Variants in PTPRD observed in about 807,000 individuals in gnomAD.
PTPRD encodes protein tyrosine phosphatase receptor type D, also known as receptor-type tyrosine-protein phosphatase delta.
Under a neutral mutation model 214.5 loss-of-function variants are expected in PTPRD, and 34 were observed. That is an observed-to-expected ratio of 0.16 (90% CI 0.12 to 0.21). PTPRD has a LOEUF of 0.21. Ranked by LOEUF, PTPRD falls within the 10% of genes least tolerant of loss-of-function variation. The probability of loss-of-function intolerance (pLI) is 1.00; values close to 1 mark genes in which losing one functional copy is unlikely to be tolerated. For synonymous variants in PTPRD, 1,128 were observed against 845.7 expected (o/e 1.33, Z -5.79); for missense variants, 2,545 against 2,398.7 (o/e 1.06, Z -1.27).
chr9:8,453,086 G>T (rs891695497), intron 33 of PTPRD, among the ~76,000 whole-genome samples: 6 of 152,176 alleles, frequency 3.9e-5, no homozygotes, highest in Non-Finnish European at 8.8e-5. Context: ...AATAGAGGGA[G>T]ATTAGAAGAG....
At chr9:10,246,115 A>C (rs2154365933) in intron 3 of PTPRD, among the ~76,000 whole-genome samples, 1 of 152,310 alleles carries the variant, frequency 6.6e-6, no homozygotes, top group East Asian at 1.9e-4. Context: ...GGTTAAAAGA[A>C]TAATCCAACT....
chr9:10,048,054 C>G (rs2097440325), intron 3 of PTPRD, among the ~76,000 whole-genome samples: 1 of 152,158 alleles, frequency 6.6e-6, no homozygotes, highest in African/African-American at 2.4e-5. Flanking sequence ...TAGCTCTGCT[C>G]TTGAATCCAG....
At chr9:9,890,824 C>CCT (rs1452829882) in intron 5 of PTPRD, among the ~76,000 whole-genome samples, 2 of 152,048 alleles carry the variant, frequency 1.3e-5, no homozygotes, top group African/African-American at 4.8e-5. Context: ...TCCAATGATG[C>CCT]CTCTTAAACA....
At chr9:10,083,084 C>G (rs1184741407) in intron 3 of PTPRD, among the ~76,000 whole-genome samples, 2 of 144,430 alleles carry the variant, frequency 1.4e-5, no homozygotes, top group Non-Finnish European at 3.0e-5. Context: ...ATTTTTCCTT[C>G]TTCTCTCTGC....
rs78080774 is a variant in PTPRD at position 8,567,330 on chromosome 9, G to C, written c.353-38551C>G. Among the ~76,000 whole-genome samples the C allele has an allele frequency of 8.8e-4, 134 of 152,270 alleles. No individual in the cohort carries two copies. The East Asian group carries it at 0.023, about 26-fold the overall frequency. ...CTCCTCTCAGACAAATGTTCTTTAA[G>C]GCATAGCTCAGGAGTCACTTTCTCC... On this transcript the variant is annotated intron_variant, in intron 14 of 45. Coordinates refer to ENST00000381196, the MANE Select transcript of PTPRD (RefSeq NM_002839.4).
intron 36 of PTPRD, among the ~76,000 whole-genome samples, chr9:8,399,996 G>C (rs2092098560): frequency 6.6e-6 from 1 of 152,036 alleles, no homozygotes; most frequent in Non-Finnish European, 1.5e-5. Flanking sequence ...GCATGTAATA[G>C]ATAACCAGAT....
At chr9:9,723,095 T>A (rs988161308) in intron 7 of PTPRD, among the ~76,000 whole-genome samples, 2 of 152,064 alleles carry the variant, frequency 1.3e-5, no homozygotes, top group African/African-American at 4.8e-5. Context: ...AACCACTGTG[T>A]AACACAAGGT....
chr9:9,787,185 T>C (rs1273046329), intron 5 of PTPRD, among the ~76,000 whole-genome samples: 1 of 151,828 alleles, frequency 6.6e-6, no homozygotes, highest in African/African-American at 2.4e-5. Flanking sequence ...TCAATTTTAT[T>C]TCTCATTTAA....
intron 4 of PTPRD, among the ~76,000 whole-genome samples, chr9:9,970,721 G>C (rs1334329247): frequency 6.6e-6 from 1 of 152,148 alleles, no homozygotes; most frequent in African/African-American, 2.4e-5. Context: ...TAGAGTCCTG[G>C]TCAGATTCAA....
At chr9:8,450,466 A>G (rs1038786153) in intron 33 of PTPRD, among the ~76,000 whole-genome samples, 26 of 152,346 alleles carry the variant, frequency 1.7e-4, no homozygotes, top group African/African-American at 6.3e-4. Context: ...AGCTCTTAAC[A>G]GTGTTAAGCT....
At chr9:8,533,618 T>C (rs1044336000) in intron 14 of PTPRD, among the ~76,000 whole-genome samples, 10 of 151,942 alleles carry the variant, frequency 6.6e-5, no homozygotes, top group Non-Finnish European at 1.0e-4. Context: ...GGAATTACTT[T>C]TCTAAGTTTC....
At chr9:10,148,902 G>A (rs1024042206) in intron 3 of PTPRD, among the ~76,000 whole-genome samples, 1 of 152,088 alleles carries the variant, frequency 6.6e-6, no homozygotes, top group Non-Finnish European at 1.5e-5. Context: ...TGAAAATTGG[G>A]TCTATATTTA....
intron 8 of PTPRD, among the ~76,000 whole-genome samples, chr9:9,449,620 G>A (rs1212624780): frequency 6.6e-6 from 1 of 151,976 alleles, no homozygotes; most frequent in African/African-American, 2.4e-5. Flanking sequence ...AACATATAGT[G>A]TGTAAGCAGG....
intron 3 of PTPRD, among the ~76,000 whole-genome samples, chr9:10,181,976 C>T (rs1220848541): frequency 3.1e-5 from 4 of 129,938 alleles, no homozygotes; most frequent in African/African-American, 1.1e-4. Context: ...AAAGGAATGG[C>T]TGGGTGCAGT....
At chr9:10,122,855 G>T (rs1251217880) in intron 3 of PTPRD, among the ~76,000 whole-genome samples, 1 of 152,174 alleles carries the variant, frequency 6.6e-6, no homozygotes, top group Non-Finnish European at 1.5e-5. Flanking sequence ...TTATACAGCA[G>T]TTGTAAACTG....
At chr9:9,855,654 G>A (rs991409476) in intron 5 of PTPRD, among the ~76,000 whole-genome samples, 36 of 152,158 alleles carry the variant, frequency 2.4e-4, no homozygotes, top group African/African-American at 8.7e-4. Flanking sequence ...CCAGCCAGCC[G>A]CTTCCGCACC....
At chr9:9,776,841 C>T (rs2098802151) in intron 5 of PTPRD, among the ~76,000 whole-genome samples, 1 of 152,156 alleles carries the variant, frequency 6.6e-6, no homozygotes, top group South Asian at 2.1e-4. Context: ...TCATAGCACA[C>T]CAGACAGCAA....
chr9:8,758,980 T>C (rs1449876988), intron 11 of PTPRD, among the ~76,000 whole-genome samples: 2 of 151,416 alleles, frequency 1.3e-5, no homozygotes, highest in Non-Finnish European at 2.9e-5. Flanking sequence ...CCACCGCACC[T>C]GGCCTAACAG....
At chr9:9,448,041 T>C (rs914419743) in intron 8 of PTPRD, among the ~76,000 whole-genome samples, 1 of 152,020 alleles carries the variant, frequency 6.6e-6, no homozygotes, top group African/African-American at 2.4e-5. Flanking sequence ...AACTGACTTG[T>C]GTTTGAAGGG....
Sources: gnomAD v4.1 joint callset for allele counts (sites outside exome capture counted in the v4.1 genomes callset) on GRCh38, gnomAD v4.1.1 for gene constraint, MANE v1.5 for transcripts, NCBI Gene and HGNC (gene_info 2026-07-23, HGNC 2026-07-21) for gene names.